The following PCDHGA11 variants were observed in gnomAD, a reference collection of about 807,000 sequenced individuals.
PCDHGA11 encodes the protein protocadherin gamma-A11.
A neutral mutation model predicts 60.4 loss-of-function variants in PCDHGA11; 39 were observed. That is an observed-to-expected ratio of 0.65 (90% CI 0.50 to 0.84). The LOEUF is 0.84. PCDHGA11 is among the 40% of genes least tolerant of loss of function. PCDHGA11 has a pLI of 0.00. For synonymous variants in PCDHGA11, 533 were observed against 510.3 expected, an observed-to-expected ratio of 1.04 and a Z score of -0.60; for missense variants, 1,165 against 1,197.7, an observed-to-expected ratio of 0.97 and a Z score of 0.40.
rs1383467583 is a variant in PCDHGA11, at chr5:141,423,554, A to G, written c.2327A>G (p.Tyr776Cys). Residue 776 changes from tyrosine (Y) to cysteine (C), a missense_variant, in exon 1 of 4, where the codon TAT (tyrosine) becomes TGT (cysteine). Transcript: ENST00000398587. ...KSHLIFPQPNYGDTLISQESC... is the reference protein window; with the variant it reads ...KSHLIFPQPNCGDTLISQESC... ...CACCTGATTTTCCCCCAGCCCAACT[A>G]TGGGGACACGCTCATCAGCCAGGAG... 8 of 1,613,590 alleles carry G rather than the reference A, an allele frequency of 5.0e-6. No individual in the cohort carries two copies. The highest frequency in any genetic ancestry group is 4.5e-5 in the East Asian group (2 of 44,870).
chr5:141,492,005 C>T (rs1444993907), intron 1 of PCDHGA11: 2 of 642,268 alleles, frequency 3.1e-6, no homozygotes, highest in Admixed American at 7.4e-5. Flanking sequence ...GGGCGATTTC[C>T]GCGGGTGTCG....
chr5:141,490,080 T>A lies in PCDHGA11; in HGVS notation c.2434-4727T>A, dbSNP rs2099695881. On this transcript the variant is annotated intron_variant, in intron 1 of 3. Coordinates refer to ENST00000398587, the MANE Select transcript of PCDHGA11 (RefSeq NM_018914.3). The surrounding 1 kb of genome is among the most constrained non-coding windows in gnomAD (Gnocchi z 5.4). ...GCACCAACGGCCAACTAGACTATTCTTTTGGAGACCACACATCTGAGGCAG... is the reference window on the plus strand; with the variant it reads ...GCACCAACGGCCAACTAGACTATTCATTTGGAGACCACACATCTGAGGCAG... The A allele has an allele frequency of 6.2e-7, 1 of 1,614,246 alleles. No homozygotes were observed. The highest frequency in any genetic ancestry group is 2.2e-5 in the East Asian group (1 of 44,884).
intron 1 of PCDHGA11, among the ~76,000 whole-genome samples, chr5:141,464,077 C>T (rs891173261): frequency 1.3e-5 from 2 of 151,950 alleles, no homozygotes; most frequent in African/African-American, 4.8e-5. Context: ...CCAGCCTGGC[C>T]AACATGGTGA....
intron 1 of PCDHGA11, among the ~76,000 whole-genome samples, chr5:141,445,156 GT>G (rs1248104914): frequency 6.6e-6 from 1 of 152,018 alleles, no homozygotes; most frequent in Non-Finnish European, 1.5e-5. Flanking sequence ...TTCATTTCTA[GT>G]TTACAGAAAA....
chr5:141,496,234 T>C (rs2154591884), intron 2 of PCDHGA11, among the ~76,000 whole-genome samples: 1 of 152,232 alleles, frequency 6.6e-6, no homozygotes, highest in Middle Eastern at 3.4e-3. Context: ...AGGAACCCCC[T>C]GCGGGCTGAA....
intron 1 of PCDHGA11, chr5:141,478,270 C>G (rs1347709530): frequency 5.6e-6 from 9 of 1,614,078 alleles, no homozygotes; most frequent in Non-Finnish European, 6.8e-6. Context: ...TCAAAGTTTA[C>G]AAGTGGAAGC....
At chr5:141,467,643 C>G (rs2099147861) in intron 1 of PCDHGA11, among the ~76,000 whole-genome samples, 1 of 152,112 alleles carries the variant, frequency 6.6e-6, no homozygotes, top group Non-Finnish European at 1.5e-5. Flanking sequence ...TTATCATGTA[C>G]CAAACTTCTA....
Position 141,421,173 on chromosome 5 carries a change from C to A in PCDHGA11, c.-55C>A. On this transcript the variant is annotated 5_prime_UTR_variant, in exon 1 of 4. Transcript: ENST00000398587. ...GCCTAGGACTTCATAGATACATAAG[C>A]CGATTCACAACCAACCAGCTCGAGA... 2 of 1,377,172 alleles carry A rather than the reference C, an allele frequency of 1.5e-6. No individual in the cohort carries two copies. The highest frequency in any genetic ancestry group is 9.7e-7 in the Non-Finnish European group (1 of 1,029,666). The allele number at this position is 1,377,172 out of a possible 1,614,324, so 85.3% of individuals were successfully genotyped here.
chr5:141,422,782 C>CG lies in PCDHGA11; in HGVS notation c.1555_1556insG (p.Gln519ArgfsTer6). 1 of 1,614,090 alleles carries CG rather than the reference C, an allele frequency of 6.2e-7. No individual in the cohort carries two copies. Among genetic ancestry groups the CG allele is most frequent in the South Asian group, 1.1e-5 (1 of 91,068 alleles). ...CAACACTGGTGTTCTCTATGCCCTACAATCCTTCGACTATGAGCAGTTTCG... is the reference window on the plus strand; with the variant it reads ...CAACACTGGTGTTCTCTATGCCCTACGAATCCTTCGACTATGAGCAGTTTCG... On this transcript the variant is annotated frameshift_variant, in exon 1 of 4. Coordinates refer to ENST00000398587, the MANE Select transcript of PCDHGA11 (RefSeq NM_018914.3). LOFTEE classifies it high-confidence loss of function.
rs920444759 is a variant in PCDHGA11, at chr5:141,432,767, C to G, written c.2433+9107C>G. On this transcript the variant is annotated intron_variant, in intron 1 of 3. Transcript: ENST00000398587. The surrounding 1 kb of genome is among the most constrained non-coding windows in gnomAD (Gnocchi z 6.0). ...CGTGGCCGTGGCCGACAGCATCCCC[C>G]AAGTCCTGGCGGACCTCGGCAGCCT... 2 of 1,614,058 alleles carry G rather than the reference C, an allele frequency of 1.2e-6. No individual in the cohort carries two copies. Among genetic ancestry groups the G allele is most frequent in the Admixed American group, 1.7e-5 (1 of 60,012 alleles).
chr5:141,439,354 C>G (rs746525653), intron 1 of PCDHGA11, among the ~76,000 whole-genome samples: 7 of 152,186 alleles, frequency 4.6e-5, no homozygotes, highest in Admixed American at 4.6e-4. Context: ...TACAAATACT[C>G]AAACATCAAG....
At position 141,489,380 on chromosome 5, in the gene PCDHGA11, A is replaced by G. The variant is rs753226956; in HGVS notation, c.2434-5427A>G. ...TCTGAGCCGGGGACGCTGGTGGGGA[A>G]TGTTGCTCAGGATCTGGGCTTAAAG... is the stretch of plus-strand genomic sequence containing the variant. On this transcript the variant is annotated intron_variant, in intron 1 of 3. Transcript: ENST00000398587. The surrounding 1 kb of genome is among the most constrained non-coding windows in gnomAD (Gnocchi z 4.5). The G allele has an allele frequency of 1.9e-6, 3 of 1,613,874 alleles. No individual in the cohort carries two copies. Among genetic ancestry groups the G allele is most frequent in the Admixed American group, 1.7e-5 (1 of 60,026 alleles).
In PCDHGA11 at chr5:141,421,238, G is replaced by C. The variant is rs920128735; in HGVS notation, c.11G>C (p.Arg4Pro). 3.1e-6 allele frequency: 5 copies of C among 1,597,422 alleles called. No individual in the cohort carries two copies. Among genetic ancestry groups the C allele is most frequent in the African/African-American group, 2.7e-5 (2 of 74,378 alleles). The part of the protein sequence containing the change: MAN[R>P]LQRGDRSRLL... ...GGCTTAGAGCCTGCCATGGCGAATC[G>C]GCTACAGCGCGGGGACCGCAGTCGG... Residue 4 changes from arginine to proline, a missense_variant, in exon 1 of 4, where the codon CGG becomes CCG. By Grantham distance (103) the Arg-to-Pro change is moderately radical. Transcript: ENST00000398587.
At position 141,489,474 on chromosome 5, in the gene PCDHGA11, C is replaced by T. The variant is rs772297075; in HGVS notation, c.2434-5333C>T. On this transcript the variant is annotated intron_variant, in intron 1 of 3. Transcript: ENST00000398587. The surrounding 1 kb of genome is among the most constrained non-coding windows in gnomAD (Gnocchi z 4.5). ...AGAATGGGCGCTATTTTTCCCTGAG[C>T]TTGATGAGTGGTGCCCTGGCAGTGA... 6.2e-7 allele frequency: 1 copy of T among 1,614,108 alleles called. No individual in the cohort carries two copies. The highest frequency in any genetic ancestry group is 8.5e-7 in the Non-Finnish European group (1 of 1,180,034).
At chr5:141,466,794 T>C (rs1487051313) in intron 1 of PCDHGA11, among the ~76,000 whole-genome samples, 2 of 152,226 alleles carry the variant, frequency 1.3e-5, no homozygotes, top group Non-Finnish European at 2.9e-5. Context: ...TGCCTCAAAC[T>C]AGATCCTATT....
Position 141,487,501 on chromosome 5 carries a change from T to A in PCDHGA11, c.2434-7306T>A. 1 of 1,614,232 alleles carries A rather than the reference T, an allele frequency of 6.2e-7. No individual in the cohort carries two copies. Among genetic ancestry groups the A allele is most frequent in the Non-Finnish European group, 8.5e-7 (1 of 1,180,036 alleles). On this transcript the variant is annotated intron_variant, in intron 1 of 3. Transcript: ENST00000398587. This position sits in a 1 kb window ranked among gnomAD's most constrained non-coding sequence, Gnocchi z 5.0. ...ACTCTCATGGCTGTACACCCTTGGC[T>A]TCTGCACCCACTCGGAGTGATAGCT...
intron 1 of PCDHGA11, among the ~76,000 whole-genome samples, chr5:141,434,049 A>G (rs868088310): frequency 2.0e-5 from 3 of 152,116 alleles, no homozygotes; most frequent in Non-Finnish European, 2.9e-5. Flanking sequence ...ATTTTATTCA[A>G]TGGCCTGTAA....
In PCDHGA11 at chr5:141,421,425, C is replaced by T; in HGVS notation, c.198C>T (p.Arg66=). ...GGGAGCTGGCGAAGCGCGGAGTCCG[C>T]ATCGTCTCCAGAGGGAAGACACAGC... The part of the protein sequence containing the change: ...EPRELAKRGV[R]IVSRGKTQLF... Residue 66 remains arginine (R), a synonymous_variant, in exon 1 of 4, where the codon CGC becomes CGT. Transcript: ENST00000398587. The T allele has an allele frequency of 6.2e-7, 1 of 1,614,100 alleles. No individual in the cohort carries two copies. Among genetic ancestry groups the T allele is most frequent in the Non-Finnish European group, 8.5e-7 (1 of 1,179,920 alleles).
chr5:141,467,907 C>A (rs1166486426), intron 1 of PCDHGA11, among the ~76,000 whole-genome samples: 1 of 152,156 alleles, frequency 6.6e-6, no homozygotes, highest in Non-Finnish European at 1.5e-5. Flanking sequence ...AATCCGCCCA[C>A]CTCAGCCTCC....
Sources: allele counts gnomAD v4.1 joint callset (sites outside exome capture counted in the v4.1 genomes callset), GRCh38; gene constraint gnomAD v4.1.1; non-coding constraint Gnocchi (gnomAD v3.1); transcripts MANE v1.5; gene names NCBI Gene and HGNC (gene_info 2026-07-23, HGNC 2026-07-21).